Variants in BCORL1 observed in about 807,000 individuals in gnomAD.
The protein encoded by BCORL1 is BCL-6 corepressor-like protein 1.
A neutral mutation model predicts 87.6 loss-of-function variants in BCORL1; 7 were observed. That is an observed-to-expected ratio of 0.08 (90% confidence interval 0.05 to 0.15). BCORL1 has a LOEUF of 0.15. Ranked by LOEUF, BCORL1 falls within the 10% of genes least tolerant of loss-of-function variation. The pLI is 1.00. For synonymous variants in BCORL1, 591 were observed against 634.4 expected (o/e 0.93, Z 1.03); for missense variants, 1,215 against 1,499.7 (o/e 0.81, Z 3.13).
chrX:130,050,050 T>C lies in BCORL1; in HGVS notation c.4841-667T>C, dbSNP rs770490848. ...CAGCCAGCTGTTGACATGCAGGAAT[T>C]TGGACACAATGTTGCCAGATCAGAT... On this transcript the variant is annotated intron_variant, in intron 11 of 13. Transcript: ENST00000540052. Among the ~76,000 whole-genome samples the C allele has an allele frequency of 1.3e-4, 14 of 111,489 alleles. No individual in the cohort carries two copies. The East Asian group carries it at 3.9e-3, about 31-fold the overall frequency.
chrX:129,999,297 C>CTTTTT (rs1213156086), intron 1 of BCORL1, among the ~76,000 whole-genome samples: 9 of 39,107 alleles, frequency 2.3e-4, no homozygotes, highest in African/African-American at 4.5e-4. Flanking sequence ...TGAAACACAT[C>CTTTTT]TTTTTTTTTT....
At chrX:130,051,018 C>G (rs1475353072) in intron 12 of BCORL1, among the ~76,000 whole-genome samples, 2 of 111,799 alleles carry the variant, frequency 1.8e-5, no homozygotes, top group African/African-American at 6.5e-5. Flanking sequence ...ACTCCCCACC[C>G]TGGGCATTTA....
rs779677586 is a variant in BCORL1, at chrX:130,013,263, C to T, written c.491C>T (p.Ser164Phe). The T allele has an allele frequency of 8.3e-6, 10 of 1,212,042 alleles. No individual in the cohort carries two copies. The highest frequency in any genetic ancestry group is 6.5e-5 in the Admixed American group (3 of 46,079). The change falls in exon 4 of 14, where the codon TCT becomes TTT. Residue 164 changes from serine (S) to phenylalanine (F), a missense_variant. Ser to Phe is a radical substitution (Grantham distance 155). This residue lies in a region of BCORL1 where 861 missense variants were observed against 1,010.0 expected (regional missense o/e 0.85). Coordinates refer to ENST00000540052, the MANE Select transcript of BCORL1 (RefSeq NM_001379451.1). ...CSPAGVKALD[S>F]RQGVGEKNTF... ...CCCGCCGGAGTAAAGGCTTTGGACT[C>T]TCGGCAAGGTGTTGGAGAGAAGAAT...
chrX:130,034,319 T>C, intron 8 of BCORL1, 136 bp from the exon 9 acceptor site: 3 of 395,058 alleles, frequency 7.6e-6, no homozygotes, highest in Non-Finnish European at 1.2e-5. Context: ...CTCGGCCATT[T>C]AGGGTAGTGT....
chrX:130,026,484 G>T (rs1215746475), intron 7 of BCORL1, among the ~76,000 whole-genome samples: 1 of 112,837 alleles, frequency 8.9e-6, no homozygotes, highest in African/African-American at 3.2e-5. Context: ...AGATTGGTCA[G>T]GAATGAGTTG....
Position 130,013,455 on chromosome X carries a change from C to T in BCORL1, c.683C>T (p.Pro228Leu). ...PDAFQVPLSV[P>L]APVPHSGLVP... ...GCATTCCAGGTTCCCCTCTCCGTCC[C>T]TGCCCCAGTCCCCCATTCAGGGCTT... The change falls in exon 4 of 14, where the codon CCT (proline) becomes CTT (leucine). Residue 228 changes from proline (P) to leucine (L), a missense_variant. Physicochemically the swap from Pro to Leu is moderately conservative, Grantham distance 98. Transcript: ENST00000540052. 8.3e-7 allele frequency: 1 copy of T among 1,211,479 alleles called. No homozygotes were observed. The highest frequency in any genetic ancestry group is 1.1e-6 in the Non-Finnish European group (1 of 895,480).
intron 4 of BCORL1, among the ~76,000 whole-genome samples, chrX:130,018,571 A>C (rs760191752): frequency 8.9e-6 from 1 of 112,599 alleles, no homozygotes; most frequent in East Asian, 2.8e-4. Flanking sequence ...GTAGGTGTTC[A>C]GTTAGTGTTA....
chrX:130,020,254 G>A (rs1929703469), intron 4 of BCORL1, among the ~76,000 whole-genome samples: 1 of 111,926 alleles, frequency 8.9e-6, no homozygotes, highest in African/African-American at 3.3e-5. Flanking sequence ...CCTTTGTCTT[G>A]GAGCCTCCGT....
chrX:130,035,793 G>A (rs182065826), intron 9 of BCORL1, among the ~76,000 whole-genome samples: 1 of 112,985 alleles, frequency 8.9e-6, no homozygotes, highest in Admixed American at 9.3e-5. Flanking sequence ...CAATGGGACA[G>A]GGCTGGAGCA....
At chrX:130,028,280 CAA>C (rs1189234990) in intron 7 of BCORL1, among the ~76,000 whole-genome samples, 2 of 111,193 alleles carry the variant, frequency 1.8e-5, no homozygotes, top group Non-Finnish European at 3.8e-5. Context: ...GAGAAACAGA[CAA>C]AGGGAATGGG....
rs775898254 is a variant in BCORL1 at position 130,036,404 on chromosome X, G to A, written c.4528-963G>A. On this transcript the variant is annotated intron_variant, in intron 9 of 13. Transcript: ENST00000540052. ...GCCTCCTGAGTGGCTGGGATTACAGGCACCTGCCATCACACTGGGCTAATT... is the reference window on the plus strand; with the variant it reads ...GCCTCCTGAGTGGCTGGGATTACAGACACCTGCCATCACACTGGGCTAATT... 3.0e-3 allele frequency among the ~76,000 whole-genome samples: 338 copies of A among 111,335 alleles called. 1 individual carries two copies. The highest frequency in any genetic ancestry group is 4.7e-3 in the Non-Finnish European group (249 of 52,905).
chrX:130,031,785 AAAAC>A (rs201080532), intron 8 of BCORL1, among the ~76,000 whole-genome samples: 1,674 of 111,771 alleles, frequency 0.015, 19 homozygotes, highest in Non-Finnish European at 0.024. Flanking sequence ...CTCTGTCTCA[AAAAC>A]AAACAAACAA....
chrX:130,016,051 G>A lies in BCORL1; in HGVS notation c.3279G>A (p.Gln1093=). ...RAKAGQARVK[Q]ESVGVFACKN... ...AGGCCGGGCAGGCTCGAGTGAAACA[G>A]GAAAGCGTAGGGGTCTTTGCTTGCA... Residue 1093 remains glutamine (Q), a synonymous_variant, in exon 4 of 14, where the codon CAG becomes CAA. Coordinates refer to ENST00000540052, the MANE Select transcript of BCORL1 (RefSeq NM_001379451.1). The A allele has an allele frequency of 8.3e-7, 1 of 1,211,844 alleles. No homozygotes were observed. Among genetic ancestry groups the A allele is most frequent in the Non-Finnish European group, 1.1e-6 (1 of 895,589 alleles).
At chrX:129,992,612 T>C (rs180929293) in intron 1 of BCORL1, among the ~76,000 whole-genome samples, 238 of 112,389 alleles carry the variant, frequency 2.1e-3, no homozygotes, top group African/African-American at 7.2e-3. Context: ...TCTCCAAATA[T>C]TTGTGTTATG....
intron 5 of BCORL1, chrX:130,021,431 G>A (rs1038446646): frequency 8.7e-5 from 23 of 263,278 alleles, no homozygotes; most frequent in African/African-American, 3.9e-4. Flanking sequence ...ATTTCCCCGC[G>A]ATGGGTCTAG....
At chrX:129,985,502 C>A (rs1313767539) in intron 1 of BCORL1, among the ~76,000 whole-genome samples, 1 of 111,513 alleles carries the variant, frequency 9.0e-6, no homozygotes, top group South Asian at 3.7e-4. Context: ...TTTTAAGAAT[C>A]ATCCCGGGGC....
chrX:130,054,389 G>A (rs961203368), intron 13 of BCORL1, among the ~76,000 whole-genome samples: 1 of 111,631 alleles, frequency 9.0e-6, no homozygotes, highest in Non-Finnish European at 1.9e-5. Flanking sequence ...CCGGGGGAAG[G>A]TTTCACAGGT....
Position 130,015,754 on chromosome X carries a change from G to A in BCORL1, c.2982G>A (p.Glu994=). 8.3e-7 allele frequency: 1 copy of A among 1,211,881 alleles called. No homozygotes were observed. The highest frequency in any genetic ancestry group is 1.8e-5 in the South Asian group (1 of 57,022). ...TGCTGGCCACCTACATGTCCCATGA[G>A]CTGGTCCTGGCCACCCCCCAGAACC... ...NQVLATYMSH[E]LVLATPQNLP... The change falls in exon 4 of 14, where the codon GAG becomes GAA. Residue 994 remains glutamate (E), a synonymous_variant. Coordinates refer to ENST00000540052, the MANE Select transcript of BCORL1 (RefSeq NM_001379451.1).
chrX:130,040,996 C>T (rs1358564385), intron 11 of BCORL1, among the ~76,000 whole-genome samples: 2 of 110,866 alleles, frequency 1.8e-5, no homozygotes, highest in African/African-American at 6.6e-5. Flanking sequence ...CCTTAGTAAA[C>T]AGATGAACTC....
Sources: gnomAD v4.1 joint callset for allele counts (sites outside exome capture counted in the v4.1 genomes callset) on GRCh38, gnomAD v4.1.1 for gene constraint, gnomAD v4.1.1 regional missense constraint, MANE v1.5 for transcripts, NCBI Gene and HGNC (gene_info 2026-07-23, HGNC 2026-07-21) for gene names.